The following MXRA7 variants were observed in gnomAD, a reference collection of about 807,000 sequenced individuals.
The protein encoded by MXRA7 is matrix-remodeling-associated protein 7.
A neutral mutation model predicts 17.4 loss-of-function variants in MXRA7; 18 were observed. The observed-to-expected ratio is 1.03, with a 90% CI of 0.71 to 1.53. The LOEUF is 1.53. MXRA7 is among the 40% of genes most tolerant of loss of function. The pLI is 0.00. For missense variants in MXRA7, 141 were observed against 209.3 expected, an observed-to-expected ratio of 0.67 and a Z score of 2.01; for synonymous variants, 70 against 101.7, an observed-to-expected ratio of 0.69 and a Z score of 1.87.
Position 76,685,172 on chromosome 17 carries a change from A to T in MXRA7, c.407-7T>A. On this transcript the variant is annotated splice_polypyrimidine_tract_variant and splice_region_variant and intron_variant, in intron 2 of 3. Coordinates refer to ENST00000449428, the MANE Select transcript of MXRA7 (RefSeq NM_198530.4). ...TTGAAGGAGAAGCCTTCTCCTGTGG[A>T]GGGGGGACCCAGTAAGTGCCAGGAG... 6.2e-7 allele frequency: 1 copy of T among 1,611,130 alleles called. No homozygotes were observed.
intron 1 of MXRA7, among the ~76,000 whole-genome samples, chr17:76,693,236 G>A (rs1466134234): frequency 1.3e-5 from 2 of 152,096 alleles, no homozygotes; most frequent in Admixed American, 1.3e-4. Context: ...TTGGGAGGCC[G>A]AGGCGGATGG....
intron 1 of MXRA7, among the ~76,000 whole-genome samples, chr17:76,697,444 G>A (rs574439902): frequency 9.2e-5 from 14 of 152,328 alleles, no homozygotes; most frequent in African/African-American, 3.4e-4. Flanking sequence ...AATACATCAT[G>A]TTTCTGATGA....
downstream of MXRA7, chr17:76,676,242 C>A (rs2076240323): frequency 6.6e-6 from 1 of 152,198 alleles, no homozygotes; most frequent in African/African-American, 2.4e-5. Context: ...AGGCCTCTAA[C>A]CTGCTGGAAG....
At chr17:76,694,310 G>A (rs1008255021) in intron 1 of MXRA7, among the ~76,000 whole-genome samples, 4 of 152,080 alleles carry the variant, frequency 2.6e-5, no homozygotes, top group Middle Eastern at 3.4e-3. Flanking sequence ...CACGGTGTCC[G>A]CCATCCACTG....
At chr17:76,702,501 G>GTAAA (rs1371891950) in intron 1 of MXRA7, among the ~76,000 whole-genome samples, 1 of 150,772 alleles carries the variant, frequency 6.6e-6, no homozygotes, top group Non-Finnish European at 1.5e-5. Context: ...AAATAAATAA[G>GTAAA]TAAATAAATA....
intron 1 of MXRA7, chr17:76,688,730 C>T (rs1049086843): frequency 6.7e-5 from 80 of 1,199,334 alleles, no homozygotes; most frequent in East Asian, 6.0e-4. Flanking sequence ...AGGAATGGCC[C>T]GGGATGGCCT....
downstream of MXRA7, chr17:76,677,636 C>G (rs376837467): frequency 4.6e-5 from 74 of 1,613,664 alleles, no homozygotes; most frequent in Middle Eastern, 4.9e-4. Flanking sequence ...CGTCGGACAT[C>G]TCGCCAAACG....
chr17:76,678,372 G>A (rs2076257989), downstream of MXRA7, among the ~76,000 whole-genome samples: 1 of 152,198 alleles, frequency 6.6e-6, no homozygotes, highest in Admixed American at 6.5e-5. Context: ...TTCTGTGCTG[G>A]GAGCAATGTC....
chr17:76,702,743 T>C (rs1261601907), intron 1 of MXRA7, among the ~76,000 whole-genome samples: 1 of 151,398 alleles, frequency 6.6e-6, no homozygotes, highest in Non-Finnish European at 1.5e-5. Context: ...TCCCAACTAT[T>C]TGGGAGCCTG....
downstream of MXRA7, chr17:76,675,829 A>G (rs968094450): frequency 4.6e-5 from 7 of 152,174 alleles, no homozygotes; most frequent in African/African-American, 1.7e-4. Context: ...GCTCCCGAAA[A>G]ACCCCTGGCA....
chr17:76,687,834 C>T (rs993474567), intron 2 of MXRA7, among the ~76,000 whole-genome samples: 1 of 152,198 alleles, frequency 6.6e-6, no homozygotes, highest in East Asian at 1.9e-4. Context: ...TAGGAGGCAG[C>T]GCAGGACAGA....
rs139038384 is a variant in MXRA7, at chr17:76,706,853, C to T, written c.342+3752G>A. Among the ~76,000 whole-genome samples, 1,382 of 152,330 alleles carry T rather than the reference C, an allele frequency of 9.1e-3. 25 individuals carry two copies. Among genetic ancestry groups the T allele is most frequent in the African/African-American group, 0.031 (1,283 of 41,570 alleles). On this transcript the variant is annotated intron_variant, in intron 1 of 3. Coordinates refer to ENST00000449428, the MANE Select transcript of MXRA7 (RefSeq NM_198530.4). ...CTACAGAAAAGTTGAAATAATAATA[C>T]AATGAATACCATACACCCTTCACCT...
rs539260365 is a variant in MXRA7, at chr17:76,691,222, G to T, written c.343-3046C>A. On this transcript the variant is annotated intron_variant, in intron 1 of 3. Transcript: ENST00000449428. ...GGGTTTGGAGAGCTTCCAGGCTGCT[G>T]AATGCATTCCCGTGCGCAGGGGGTA... is the stretch of plus-strand genomic sequence containing the variant. Among the ~76,000 whole-genome samples, 4 of 152,348 alleles carry T rather than the reference G, an allele frequency of 2.6e-5. No homozygotes were observed. The South Asian group carries it at 6.2e-4, about 24-fold the overall frequency.
At chr17:76,693,614 G>A (rs2076501692) in intron 1 of MXRA7, among the ~76,000 whole-genome samples, 1 of 152,228 alleles carries the variant, frequency 6.6e-6, no homozygotes, top group Non-Finnish European at 1.5e-5. Context: ...GGGAGGCTGA[G>A]GCAAGTGGAC....
chr17:76,686,492 C>A (rs1598342917), intron 2 of MXRA7, among the ~76,000 whole-genome samples: 1 of 151,802 alleles, frequency 6.6e-6, no homozygotes, highest in Non-Finnish European at 1.5e-5. Flanking sequence ...CCCTACCCCC[C>A]AAAAAAAGAA....
chr17:76,673,029 C>T lies in MXRA7; in HGVS notation c.*4559G>A, dbSNP rs181012319. 2.0e-5 allele frequency: 3 copies of T among 152,324 alleles called. No homozygotes were observed. In the East Asian group the frequency reaches 5.8e-4, roughly 29 times the overall value. 9.4% of individuals were successfully genotyped at this position (152,324 alleles called of 1,614,324 possible). ...TTATAATTGGTGGCCATGCTATAGC[C>T]TGAGTGAAGGATTTCTGGTACCCTG... On this transcript the variant is annotated 3_prime_UTR_variant, in exon 4 of 4. Transcript: ENST00000355797.
At chr17:76,687,363 G>A (rs2076411030) in intron 2 of MXRA7, among the ~76,000 whole-genome samples, 2 of 152,246 alleles carry the variant, frequency 1.3e-5, no homozygotes, top group Admixed American at 1.3e-4. Flanking sequence ...CCTGCCAGCA[G>A]CCGACTTAAC....
At chr17:76,688,009 T>TC in intron 2 of MXRA7, 104 bp downstream of exon 2, 2 of 572,784 alleles carry the variant, frequency 3.5e-6, no homozygotes, top group South Asian at 1.7e-5. Flanking sequence ...TCCCACCCCA[T>TC]CCCTCCCCTC....
At chr17:76,688,430 GC>G (rs2076433355) in intron 1 of MXRA7, 3 of 1,370,588 alleles carry the variant, frequency 2.2e-6, no homozygotes, top group East Asian at 2.8e-5. Context: ...CTCGGCCTTG[GC>G]CTTTCCCAGG....
Sources: allele counts gnomAD v4.1 joint callset (sites outside exome capture counted in the v4.1 genomes callset), GRCh38; gene constraint gnomAD v4.1.1; transcripts MANE v1.5; gene names NCBI Gene and HGNC (gene_info 2026-07-23, HGNC 2026-07-21).